The following ANKS1B variants were observed in gnomAD, a reference collection of about 807,000 sequenced individuals.
The protein encoded by ANKS1B is ankyrin repeat and sterile alpha motif domain containing 1B.
In ANKS1B, 36 loss-of-function variants were observed where a neutral mutation model predicts 148.3. That is an observed-to-expected ratio of 0.24 (90% CI 0.19 to 0.32). The LOEUF (loss-of-function observed/expected upper bound fraction) is 0.32, where lower values mean the gene tolerates loss of function less well. Among genes scored for constraint, ANKS1B ranks in the 10% least tolerant of loss-of-function variants. The pLI is 1.00. For synonymous variants in ANKS1B, 542 were observed against 560.8 expected (o/e 0.97, Z 0.47); for missense variants, 1,157 against 1,542.6 (o/e 0.75, Z 4.19).
intron 9 of ANKS1B, among the ~76,000 whole-genome samples, chr12:99,505,701 C>T (rs756510351): frequency 4.0e-5 from 6 of 150,078 alleles, no homozygotes; most frequent in Non-Finnish European, 7.4e-5. Flanking sequence ...AGACATAATC[C>T]TTGCTCTGAA....
At chr12:99,370,591 T>G (rs2152468005) in intron 12 of ANKS1B, among the ~76,000 whole-genome samples, 1 of 152,232 alleles carries the variant, frequency 6.6e-6, no homozygotes, top group East Asian at 1.9e-4. Context: ...CTCAGGAGGT[T>G]TTTGCCCTCT....
At position 99,399,720 on chromosome 12, in the gene ANKS1B, C is replaced by A. The variant is rs956026986; in HGVS notation, c.1667G>T (p.Cys556Phe). The change falls in exon 12 of 27, where the codon TGC (cysteine) becomes TTC (phenylalanine). Residue 556 changes from cysteine (C) to phenylalanine (F), a missense_variant. Physicochemically the swap from Cys to Phe is radical, Grantham distance 205. Transcript: ENST00000683438. ...AGGAGGACTGGCAGTAAAGCTTGTG[C>A]ACCCTGTAGATGTGTTGATTTCAAA... ...EYFEINTSTG[C>F]TSFTASPPAS... 1.9e-6 allele frequency: 3 copies of A among 1,613,520 alleles called. No homozygotes were observed. Among genetic ancestry groups the A allele is most frequent in the Non-Finnish European group, 2.5e-6 (3 of 1,179,532 alleles).
intron 1 of ANKS1B, among the ~76,000 whole-genome samples, chr12:99,958,266 A>T (rs2095353229): frequency 6.6e-6 from 1 of 152,200 alleles, no homozygotes; most frequent in Non-Finnish European, 1.5e-5. Flanking sequence ...GCTGCTACAA[A>T]GAACTGGTGA....
intron 12 of ANKS1B, among the ~76,000 whole-genome samples, chr12:99,329,105 C>T (rs776857576): frequency 1.6e-4 from 25 of 151,906 alleles, no homozygotes; most frequent in Non-Finnish European, 3.4e-4. Context: ...GGAGCAACTT[C>T]AAGTGGCCTA....
At chr12:99,858,395 G>A (rs964081588) in intron 1 of ANKS1B, among the ~76,000 whole-genome samples, 3 of 152,134 alleles carry the variant, frequency 2.0e-5, no homozygotes, top group African/African-American at 7.2e-5. Flanking sequence ...TGTGGATGTG[G>A]TAAAAATGGA....
In ANKS1B at chr12:99,984,495, G is replaced by A; in HGVS notation, c.-258C>T. On this transcript the variant is annotated 5_prime_UTR_variant, in exon 1 of 27. Transcript: ENST00000683438. ...CTGGGAGCCGCGACGCGCCCCCACAGCCACTCCCCTGAATTCCCAAGGCCT... is the reference window on the plus strand; with the variant it reads ...CTGGGAGCCGCGACGCGCCCCCACAACCACTCCCCTGAATTCCCAAGGCCT... The A allele has an allele frequency of 2.5e-6, 1 of 407,506 alleles. No individual in the cohort carries two copies. The highest frequency in any genetic ancestry group is 4.5e-6 in the Non-Finnish European group (1 of 224,378). The allele number at this position is 407,506 out of a possible 1,614,324, so 25.2% of individuals were successfully genotyped here.
At position 98,751,589 on chromosome 12, in the gene ANKS1B, G is replaced by A; in HGVS notation, c.3580-67C>T. 5 of 1,472,438 alleles carry A rather than the reference G, an allele frequency of 3.4e-6. No homozygotes were observed. 91.2% of individuals were successfully genotyped at this position (1,472,438 alleles called of 1,614,324 possible). ...AAATTAGAATGGGTCGAATGGCTGA[G>A]GAACACTGAGGGAGGTGAACTAGGG... On this transcript the variant is annotated intron_variant, in intron 25 of 26. Coordinates refer to ENST00000683438, the MANE Select transcript of ANKS1B (RefSeq NM_001352186.2). This position sits in a 1 kb window ranked among gnomAD's most constrained non-coding sequence, Gnocchi z 4.3.
At chr12:99,976,536 T>C (rs532738238) in intron 1 of ANKS1B, among the ~76,000 whole-genome samples, 1 of 152,298 alleles carries the variant, frequency 6.6e-6, no homozygotes, top group Non-Finnish European at 1.5e-5. Context: ...TATGCTCACA[T>C]CCATCAATCA....
chr12:99,916,598 G>A (rs970246461), intron 1 of ANKS1B, among the ~76,000 whole-genome samples: 5 of 152,176 alleles, frequency 3.3e-5, no homozygotes, highest in African/African-American at 1.2e-4. Context: ...ATAATAGAAA[G>A]GGACAAAGAA....
At chr12:98,899,670 A>G (rs970178645) in intron 17 of ANKS1B, among the ~76,000 whole-genome samples, 2 of 152,152 alleles carry the variant, frequency 1.3e-5, no homozygotes, top group African/African-American at 4.8e-5. Context: ...CTCCACAATC[A>G]TGTAAGCCAA....
intron 17 of ANKS1B, among the ~76,000 whole-genome samples, chr12:99,034,324 A>AT (rs369832861): frequency 9.4e-4 from 140 of 148,184 alleles, no homozygotes; most frequent in Admixed American, 3.2e-3. Flanking sequence ...TAATTATTTT[A>AT]TTTTTTTTTT....
intron 9 of ANKS1B, among the ~76,000 whole-genome samples, chr12:99,520,034 C>T (rs74588126): frequency 0.015 from 2,236 of 152,192 alleles, 60 homozygotes; most frequent in African/African-American, 0.051. Flanking sequence ...TGTCTTCAAA[C>T]GTTGTTGTAG....
At chr12:99,031,200 C>G (rs2099951915) in intron 17 of ANKS1B, among the ~76,000 whole-genome samples, 3 of 152,172 alleles carry the variant, frequency 2.0e-5, no homozygotes, top group Admixed American at 6.5e-5. Flanking sequence ...TCATCTTACA[C>G]CTTCTAGACA....
chr12:98,945,755 C>T (rs1036944930), intron 17 of ANKS1B, among the ~76,000 whole-genome samples: 33 of 152,228 alleles, frequency 2.2e-4, no homozygotes, highest in Middle Eastern at 3.4e-3. Flanking sequence ...TCAAGCTGGG[C>T]GTTTGTGCAA....
In ANKS1B at chr12:98,744,406, T is replaced by A; in HGVS notation, c.*1333A>T. 1.1e-6 allele frequency: 1 copy of A among 871,136 alleles called. No homozygotes were observed. Among genetic ancestry groups the A allele is most frequent in the South Asian group, 5.3e-5 (1 of 18,722 alleles). 54.0% of individuals were successfully genotyped at this position (871,136 alleles called of 1,614,324 possible). A position where few individuals can be genotyped will look rare whatever the true frequency, so the allele number is the denominator to read the frequency against. On this transcript the variant is annotated 3_prime_UTR_variant, in exon 27 of 27. Transcript: ENST00000683438. ...AACATTAAGACAATTCCACAATTTATCAATATCGCTATAATGAACTTCAAA... is the reference window on the plus strand; with the variant it reads ...AACATTAAGACAATTCCACAATTTAACAATATCGCTATAATGAACTTCAAA...
intron 8 of ANKS1B, among the ~76,000 whole-genome samples, chr12:99,767,051 T>C (rs1028032176): frequency 1.3e-5 from 2 of 152,110 alleles, no homozygotes; most frequent in Non-Finnish European, 1.5e-5. Flanking sequence ...TTTCCAAAAG[T>C]AGGGACCTCA....
At chr12:98,765,248 A>G (rs1179043976) in intron 25 of ANKS1B, among the ~76,000 whole-genome samples, 1 of 152,188 alleles carries the variant, frequency 6.6e-6, no homozygotes, top group African/African-American at 2.4e-5. Flanking sequence ...ACAGATTAGG[A>G]AACTGAAGAC....
chr12:99,488,457 A>G (rs540594181), intron 10 of ANKS1B, among the ~76,000 whole-genome samples: 47 of 152,298 alleles, frequency 3.1e-4, no homozygotes, highest in Middle Eastern at 6.8e-3. Context: ...CCTAATTTTT[A>G]GTGGTTTCTC....
intron 17 of ANKS1B, among the ~76,000 whole-genome samples, chr12:99,049,422 C>T (rs1490927262): frequency 6.6e-6 from 1 of 152,042 alleles, no homozygotes; most frequent in Non-Finnish European, 1.5e-5. Flanking sequence ...GTTTATAATG[C>T]TGATCATGAA....
Sources: allele counts gnomAD v4.1 joint callset (sites outside exome capture counted in the v4.1 genomes callset), GRCh38; gene constraint gnomAD v4.1.1; non-coding constraint Gnocchi (gnomAD v3.1); transcripts MANE v1.5; gene names NCBI Gene and HGNC (gene_info 2026-07-23, HGNC 2026-07-21).